The following MICAL1 variants were observed in gnomAD, a reference collection of about 807,000 sequenced individuals.
MICAL1 encodes the protein microtubule associated monooxygenase, calponin and LIM domain containing 1.
In MICAL1, 95 loss-of-function variants were observed where a neutral mutation model predicts 131.8. The ratio of observed to expected loss-of-function variants is 0.72; its 90% confidence interval spans 0.61 to 0.86. The LOEUF (loss-of-function observed/expected upper bound fraction) is 0.86, where lower values mean the gene tolerates loss of function less well. MICAL1 is among the 40% of genes least tolerant of loss of function. MICAL1 has a pLI of 0.00. For synonymous variants in MICAL1, 546 were observed against 554.2 expected, an observed-to-expected ratio of 0.99 and a Z score of 0.21; for missense variants, 1,292 against 1,380.6, an observed-to-expected ratio of 0.94 and a Z score of 1.02.
intron 1 of MICAL1, chr6:109,463,558 ATACT>A (rs767040937): frequency 1.8e-4 from 28 of 152,276 alleles, no homozygotes; most frequent in African/African-American, 4.1e-4. Flanking sequence ...TTTTAAACTG[ATACT>A]TATTTCAATT....
rs1345172051 is a variant in MICAL1, at chr6:109,444,161, TG to T, written c.*29del. The T allele has an allele frequency of 6.2e-7, 1 of 1,602,034 alleles. No homozygotes were observed. The highest frequency in any genetic ancestry group is 1.7e-5 in the Admixed American group (1 of 58,766). On this transcript the variant is annotated 3_prime_UTR_variant, in exon 25 of 25. Transcript: ENST00000358807. ...GTGCTGGGGTGAGGTGCTTTCTTTG[TG>T]GGAACGAAAGCAGACGGCCCACCCT... is the stretch of plus-strand genomic sequence containing the variant.
chr6:109,447,075 TCTC>T lies in MICAL1; in HGVS notation c.2222_2224del (p.Gly741del), dbSNP rs1775258025. ...GGAGGTCTCCCAGGCCCACTCACCA[TCTC>T]CTGGGTGCTGCTCGTAGCCACCTGG... On this transcript the variant is annotated inframe_deletion, in exon 17 of 25. Coordinates refer to ENST00000358807, the MANE Select transcript of MICAL1 (RefSeq NM_022765.4). 2 of 1,613,612 alleles carry T rather than the reference TCTC, an allele frequency of 1.2e-6. No individual in the cohort carries two copies. Among genetic ancestry groups the T allele is most frequent in the Non-Finnish European group, 1.7e-6 (2 of 1,179,918 alleles).
At chr6:109,451,467 G>A (rs1775539702) in intron 7 of MICAL1, 133 bp downstream of exon 7, 1 of 1,060,692 alleles carries the variant, frequency 9.4e-7, no homozygotes, top group Non-Finnish European at 1.3e-6. Context: ...AGAACTTTTA[G>A]AGGTGAAGTT....
At position 109,452,566 on chromosome 6, in the gene MICAL1, G is replaced by A. The variant is rs1214771045; in HGVS notation, c.621C>T (p.Ala207=). Reference sequence around the variant, plus strand: ...AGATAAGGACGTCAAATTCATAGTTGGCCAGCTGGGCAGGGGGGTTGGGTT... The same window carrying A: ...AGATAAGGACGTCAAATTCATAGTTAGCCAGCTGGGCAGGGGGGTTGGGTT... The part of the protein sequence containing the change: ...QLQPNPPAQL[A]NYEFDVLISA... The change falls in exon 5 of 25, where the codon GCC becomes GCT. Residue 207 remains alanine (A), a synonymous_variant. Transcript: ENST00000358807. The A allele has an allele frequency of 6.2e-7, 1 of 1,613,766 alleles. No homozygotes were observed. The highest frequency in any genetic ancestry group is 2.2e-5 in the East Asian group (1 of 44,862).
chr6:109,445,139 G>C (rs879450342), intron 22 of MICAL1, 58 bp downstream of exon 22: 80 of 1,599,770 alleles, frequency 5.0e-5, no homozygotes, highest in Non-Finnish European at 6.6e-5. Flanking sequence ...CTACGGGCTG[G>C]AGCGTGGAGC....
upstream of MICAL1, among the ~76,000 whole-genome samples, chr6:109,458,850 T>C (rs1775819284): frequency 6.6e-6 from 1 of 152,200 alleles, no homozygotes; most frequent in African/African-American, 2.4e-5. Context: ...CCCATGGTCC[T>C]GGGCCGGGAA....
rs564642212 is a variant in MICAL1 at position 109,454,243 on chromosome 6, G to GGC, written c.-43-5_-43-4insGC. 1.2e-4 allele frequency: 186 copies of GGC among 1,550,922 alleles called. No individual in the cohort carries two copies. In the African/African-American group the frequency reaches 2.3e-3, roughly 19 times the overall value. ...GCAGCTGGGCAGAGATGAGTGGCTG[G>GGC]AGAGGTGGAAAAAGAAGGGGAAGAG... On this transcript the variant is annotated splice_region_variant and splice_polypyrimidine_tract_variant and intron_variant, in intron 1 of 24. Coordinates refer to ENST00000358807, the MANE Select transcript of MICAL1 (RefSeq NM_022765.4).
At chr6:109,446,991 T>C (rs1775254043) in intron 17 of MICAL1, 82 bp downstream of exon 17, 2 of 1,527,800 alleles carry the variant, frequency 1.3e-6, no homozygotes, top group Non-Finnish European at 1.8e-6. Flanking sequence ...GTTTCCATCC[T>C]GTGCCTCTCT....
upstream of MICAL1, chr6:109,455,834 T>G: frequency 6.1e-6 from 6 of 985,048 alleles, no homozygotes; most frequent in South Asian, 2.3e-4. This position sits in a 1 kb window ranked among gnomAD's most constrained non-coding sequence, Gnocchi z 4.7. Flanking sequence ...GCGGGGATGC[T>G]GGGATGCGGG....
intron 13 of MICAL1, 64 bp from the exon 14 acceptor site, chr6:109,448,027 C>T (rs1383854804): frequency 1.3e-6 from 2 of 1,502,280 alleles, no homozygotes; most frequent in Non-Finnish European, 1.8e-6. Flanking sequence ...TCAGAACAGA[C>T]AGTCACTCTC....
chr6:109,453,675 G>C lies in MICAL1; in HGVS notation c.429C>G (p.Phe143Leu). ...GGGTGCCGGTGCAGAAGCGCCCGTA[G>C]AACTTCTTAGCACCGAGTGCCCGCA... ...HDLRALGAKK[F>L]YGRFCTGTLD... Residue 143 changes from phenylalanine to leucine, a missense_variant, in exon 3 of 25, where the codon TTC becomes TTG. Transcript: ENST00000358807. 6.2e-7 allele frequency: 1 copy of C among 1,613,490 alleles called. No individual in the cohort carries two copies. Among genetic ancestry groups the C allele is most frequent in the Non-Finnish European group, 8.5e-7 (1 of 1,179,780 alleles).
chr6:109,465,881 C>T (rs1562298805), exon 1 of MICAL1: 1 of 1,614,164 alleles, frequency 6.2e-7, no homozygotes, highest in African/African-American at 1.3e-5. Flanking sequence ...GTGGCGTTGG[C>T]TGGGGCACGT....
In MICAL1 at chr6:109,445,432, CTCT is replaced by C. The variant is rs1432696806; in HGVS notation, c.2768_2770del (p.Lys923del). On this transcript the variant is annotated inframe_deletion, in exon 21 of 25. Transcript: ENST00000358807. ...GGGCTTCACCTGGGCCTTGCAGAAC[CTCT>C]TCATCTCCTCCTCCTTCGCACGGCG... The C allele has an allele frequency of 2.5e-6, 4 of 1,613,932 alleles. No homozygotes were observed. The South Asian group carries it at 4.4e-5, about 18-fold the overall frequency.
chr6:109,455,092 C>A lies in MICAL1; in HGVS notation c.-44+627G>T, dbSNP rs1192307663. Among the ~76,000 whole-genome samples the A allele has an allele frequency of 6.6e-6, 1 of 151,272 alleles. No individual in the cohort carries two copies. The highest frequency in any genetic ancestry group is 1.5e-5 in the Non-Finnish European group (1 of 67,822). ...CCCGGGCGCGCTCTCCCAGGAATCTCCGGAGACAAAGCCTCGCTTTGTCGC... is the reference window on the plus strand; with the variant it reads ...CCCGGGCGCGCTCTCCCAGGAATCTACGGAGACAAAGCCTCGCTTTGTCGC... On this transcript the variant is annotated intron_variant, in intron 1 of 24. Transcript: ENST00000358807. The surrounding 1 kb of genome is among the most constrained non-coding windows in gnomAD (Gnocchi z 4.7).
In MICAL1 at chr6:109,449,738, C is replaced by T; in HGVS notation, c.1353G>A (p.Met451Ile). The T allele has an allele frequency of 6.2e-7, 1 of 1,607,018 alleles. No homozygotes were observed. The highest frequency in any genetic ancestry group is 1.3e-5 in the African/African-American group (1 of 74,920). Residue 451 changes from methionine (M) to isoleucine (I), a missense_variant, in exon 10 of 25, where the codon ATG becomes ATA. Physicochemically the swap from Met to Ile is conservative, Grantham distance 10 (BLOSUM62 1). Transcript: ENST00000358807. ...GCCCATACTGGGCCACATTGCGATG[C>T]ATGTTTTCTGGGGATGTCTGTGACA... ...QLLSQTSPENMHRNVAQYGLD... is the reference protein window; with the variant it reads ...QLLSQTSPENIHRNVAQYGLD...
At chr6:109,455,899 G>C, upstream of MICAL1, 1 of 985,498 alleles carries the variant, frequency 1.0e-6, no homozygotes, top group African/African-American at 1.7e-5. This position sits in a 1 kb window ranked among gnomAD's most constrained non-coding sequence, Gnocchi z 4.7. Context: ...CGCGAGGGGC[G>C]CGGGGCGCCG....
In MICAL1 at chr6:109,455,459, C is replaced by G. The variant is rs1428568533; in HGVS notation, c.-44+260G>C. Reference sequence around the variant, plus strand: ...AGAAAGGAGCGACCCAGCCTGGAAACGCCAGGACAAAGGCTGTGAGAGGGG... The same window carrying G: ...AGAAAGGAGCGACCCAGCCTGGAAAGGCCAGGACAAAGGCTGTGAGAGGGG... On this transcript the variant is annotated intron_variant, in intron 1 of 24. Coordinates refer to ENST00000358807, the MANE Select transcript of MICAL1 (RefSeq NM_022765.4). The surrounding 1 kb of genome is among the most constrained non-coding windows in gnomAD (Gnocchi z 4.7). Among the ~76,000 whole-genome samples the G allele has an allele frequency of 2.0e-5, 3 of 152,166 alleles. No individual in the cohort carries two copies. Among genetic ancestry groups the G allele is most frequent in the Non-Finnish European group, 4.4e-5 (3 of 68,032 alleles).
intron 17 of MICAL1, 111 bp downstream of exon 17, chr6:109,446,962 G>A (rs1582639554): frequency 4.3e-6 from 6 of 1,383,210 alleles, no homozygotes; most frequent in Admixed American, 2.1e-5. Context: ...TCAGGAGAAC[G>A]AAGTGCCATC....
chr6:109,465,108 A>C (rs1776001715), intron 1 of MICAL1: 2 of 152,384 alleles, frequency 1.3e-5, no homozygotes, highest in Admixed American at 1.3e-4. Flanking sequence ...ACTTAATTAA[A>C]ATTTTGATAG....
Sources: gnomAD v4.1 joint callset for allele counts (sites outside exome capture counted in the v4.1 genomes callset) on GRCh38, gnomAD v4.1.1 for gene constraint, Gnocchi (gnomAD v3.1) non-coding constraint, MANE v1.5 for transcripts, NCBI Gene and HGNC (gene_info 2026-07-23, HGNC 2026-07-21) for gene names.